The following JAKMIP3 variants were observed in gnomAD, a reference collection of about 807,000 sequenced individuals.
The protein encoded by JAKMIP3 is janus kinase and microtubule-interacting protein 3.
In JAKMIP3, 58 loss-of-function variants were observed where a neutral mutation model predicts 118.5. The observed-to-expected ratio is 0.49, with a 90% CI of 0.40 to 0.61. The LOEUF (loss-of-function observed/expected upper bound fraction) is 0.61, where lower values mean the gene tolerates loss of function less well. Ranked by LOEUF, JAKMIP3 falls within the 20% of genes least tolerant of loss-of-function variation. JAKMIP3 has a pLI of 0.00. For synonymous variants in JAKMIP3, 486 were observed against 451.2 expected (o/e 1.08, Z -0.98); for missense variants, 950 against 1,109.0 (o/e 0.86, Z 2.04).
Position 132,145,157 on chromosome 10 carries a change from G to A in JAKMIP3, c.1653G>A (p.Glu551=). ...AEVQRAQARI[E]DLEKALAEQG... Reference sequence around the variant, plus strand: ...TGCAGAGGGCACAGGCGCGGATAGAGGACCTGGAGAAGGCCCTGGCGGAGC... The same window carrying A: ...TGCAGAGGGCACAGGCGCGGATAGAAGACCTGGAGAAGGCCCTGGCGGAGC... Residue 551 remains glutamate (E), a synonymous_variant, in exon 12 of 24, where the codon GAG becomes GAA. Coordinates refer to ENST00000684848, the MANE Select transcript of JAKMIP3 (RefSeq NM_001323087.2). 6.2e-7 allele frequency: 1 copy of A among 1,612,370 alleles called. No homozygotes were observed. The highest frequency in any genetic ancestry group is 8.5e-7 in the Non-Finnish European group (1 of 1,179,700).
chr10:132,085,513 T>G (rs967686590), intron 1 of JAKMIP3, among the ~76,000 whole-genome samples: 1 of 151,898 alleles, frequency 6.6e-6, no homozygotes, highest in African/African-American at 2.4e-5. Context: ...CTTTTTTTTT[T>G]TTTGTGAGAG....
intron 1 of JAKMIP3, among the ~76,000 whole-genome samples, chr10:132,097,417 C>T (rs2044032674): frequency 3.3e-5 from 5 of 151,952 alleles, no homozygotes; most frequent in Admixed American, 2.6e-4. Context: ...TGGTAACCTG[C>T]GTGGCCCTCC....
intron 1 of JAKMIP3, among the ~76,000 whole-genome samples, chr10:132,050,173 T>G (rs9419330): frequency 0.27 from 40,959 of 152,078 alleles, 6,568 homozygotes; most frequent in African/African-American, 0.45. Flanking sequence ...TGCATGCCTG[T>G]TTGCATCACT....
rs1185340128 is a variant in JAKMIP3, at chr10:132,097,993, T to C, written c.-137-6679T>C. ...TCCTTTTCTCCCCTTCCCCTTCCCC[T>C]TCCCCTTCCCCTCCTTCCTTTTTTT... is the stretch of plus-strand genomic sequence containing the variant. On this transcript the variant is annotated intron_variant, in intron 1 of 23. Coordinates refer to ENST00000684848, the MANE Select transcript of JAKMIP3 (RefSeq NM_001323087.2). Among the ~76,000 whole-genome samples the C allele has an allele frequency of 4.8e-5, 5 of 104,890 alleles. 1 individual carries two copies. In the South Asian group the frequency reaches 1.3e-3, roughly 27 times the overall value. The allele number at this position is 104,890 out of a possible 152,430, so 68.8% of individuals were successfully genotyped here. A position where few individuals can be genotyped will look rare whatever the true frequency, so the allele number is the denominator to read the frequency against.
At chr10:132,175,596 G>A (rs2060067550) in intron 23 of JAKMIP3, among the ~76,000 whole-genome samples, 1 of 152,192 alleles carries the variant, frequency 6.6e-6, no homozygotes, top group South Asian at 2.1e-4. Context: ...AGCTCGAGGT[G>A]TGTTGATTAA....
chr10:132,050,422 C>A (rs1266544192), intron 1 of JAKMIP3, among the ~76,000 whole-genome samples: 1 of 152,172 alleles, frequency 6.6e-6, no homozygotes, highest in African/African-American at 2.4e-5. Flanking sequence ...CCTGTGGTTT[C>A]TGCCGGTCGC....
At chr10:132,174,485 C>T (rs2136964453) in intron 23 of JAKMIP3, among the ~76,000 whole-genome samples, 1 of 152,168 alleles carries the variant, frequency 6.6e-6, no homozygotes, top group African/African-American at 2.4e-5. Context: ...AGCGGAATCC[C>T]CTCGGGTGAA....
chr10:132,064,629 G>A (rs557610074), upstream of JAKMIP3, among the ~76,000 whole-genome samples: 2 of 152,196 alleles, frequency 1.3e-5, no homozygotes, highest in East Asian at 3.9e-4. The surrounding 1 kb of genome is among the most constrained non-coding windows in gnomAD (Gnocchi z 4.4). Flanking sequence ...TGGTAACCAG[G>A]GACAGCGGGC....
chr10:132,040,830 C>T (rs2037719906), intron 1 of JAKMIP3, among the ~76,000 whole-genome samples: 1 of 152,114 alleles, frequency 6.6e-6, no homozygotes, highest in Admixed American at 6.5e-5. Context: ...AGAAACTTTT[C>T]TCTGTTGAGA....
chr10:132,073,994 C>T (rs1237307675), intron 1 of JAKMIP3, among the ~76,000 whole-genome samples: 2 of 128,908 alleles, frequency 1.6e-5, no homozygotes, highest in African/African-American at 5.9e-5. Context: ...CCACCAGCAG[C>T]GTACAAGAGT....
chr10:132,159,828 TCTCCCTGTGTGATGCTGGG>T (rs2057797273), intron 19 of JAKMIP3, among the ~76,000 whole-genome samples: 1 of 54,648 alleles, frequency 1.8e-5, no homozygotes, highest in East Asian at 1.5e-3. Flanking sequence ...CTGGGGGGCC[TCTCCCTGTGTGATGCTGGG>T]GGGCCTCTCC....
rs116688948 is a variant in JAKMIP3, at chr10:132,044,512, C to T, written c.-138+7774C>T. Reference sequence around the variant, plus strand: ...TGGCTGGTGCAGAGGAGGGTGCGGCCGGTGCAGAGGAGGATGCAGGAGGAG... The same window carrying T: ...TGGCTGGTGCAGAGGAGGGTGCGGCTGGTGCAGAGGAGGATGCAGGAGGAG... On this transcript the variant is annotated intron_variant, in intron 1 of 23. Coordinates refer to the JAKMIP3 transcript ENST00000657785. The surrounding 1 kb of genome is among the most constrained non-coding windows in gnomAD (Gnocchi z 5.3). 0.014 allele frequency among the ~76,000 whole-genome samples: 2,092 copies of T among 151,996 alleles called. 51 individuals carry two copies. The highest frequency in any genetic ancestry group is 0.047 in the African/African-American group (1,955 of 41,452).
At chr10:132,159,756 T>C (rs1183262581) in intron 19 of JAKMIP3, among the ~76,000 whole-genome samples, 160 of 22,598 alleles carry the variant, frequency 7.1e-3, no homozygotes, top group Admixed American at 8.2e-3. Context: ...GGGGGCCTCT[T>C]CCTGTGTGAT....
At chr10:132,102,418 C>T (rs956038583) in intron 1 of JAKMIP3, among the ~76,000 whole-genome samples, 2 of 152,168 alleles carry the variant, frequency 1.3e-5, no homozygotes, top group Admixed American at 6.5e-5. Context: ...TCCCTCTGTA[C>T]CCCATGACAG....
intron 10 of JAKMIP3, 92 bp from the exon 11 acceptor site, chr10:132,141,828 G>A: frequency 7.1e-7 from 1 of 1,410,990 alleles, no homozygotes; most frequent in Non-Finnish European, 9.6e-7. Flanking sequence ...TGATATCTGG[G>A]GAGAAGGGAA....
chr10:132,072,736 C>T (rs1331603307), intron 1 of JAKMIP3, among the ~76,000 whole-genome samples: 1 of 151,494 alleles, frequency 6.6e-6, no homozygotes, highest in East Asian at 1.9e-4. Flanking sequence ...TTCTTGGCCT[C>T]TATTCATTAT....
chr10:132,116,527 G>C (rs553211989), intron 2 of JAKMIP3, among the ~76,000 whole-genome samples: 3 of 141,206 alleles, frequency 2.1e-5, no homozygotes, highest in African/African-American at 8.1e-5. Context: ...CATCATGGAC[G>C]CTCCCCCCGA....
chr10:132,107,616 C>T (rs961668453), intron 2 of JAKMIP3, among the ~76,000 whole-genome samples: 2 of 152,216 alleles, frequency 1.3e-5, no homozygotes, highest in Admixed American at 1.3e-4. Context: ...CGATCTGAGC[C>T]CTGCCTCCTC....
At position 132,179,275 on chromosome 10, in the gene JAKMIP3, C is replaced by T. The variant is rs891569718; in HGVS notation, c.*1104-3082C>T. ...GCTCATCCTCCCCCAGCATCATGCA[C>T]GGTCACGGGGCTGTATTTGTTGACG... On this transcript the variant is annotated intron_variant, in intron 23 of 23. Transcript: ENST00000684848. This position sits in a 1 kb window ranked among gnomAD's most constrained non-coding sequence, Gnocchi z 4.3. 3.3e-5 allele frequency among the ~76,000 whole-genome samples: 5 copies of T among 152,226 alleles called. No homozygotes were observed. Among genetic ancestry groups the T allele is most frequent in the Admixed American group, 6.5e-5 (1 of 15,282 alleles).
Sources: allele counts gnomAD v4.1 joint callset (sites outside exome capture counted in the v4.1 genomes callset), GRCh38; gene constraint gnomAD v4.1.1; non-coding constraint Gnocchi (gnomAD v3.1); transcripts MANE v1.5; gene names NCBI Gene and HGNC (gene_info 2026-07-23, HGNC 2026-07-21).